NBPF20: variants seen among roughly 807,000 people sequenced by gnomAD.
NBPF20 encodes NBPF member 20, also known as NBPF family member NBPF20.
In NBPF20, 90 loss-of-function variants were observed where a neutral mutation model predicts 68.1. That is an observed-to-expected ratio of 1.32 (90% confidence interval 1.11 to 1.58). The LOEUF (loss-of-function observed/expected upper bound fraction) is 1.58, where lower values mean the gene tolerates loss of function less well. NBPF20 is among the 40% of genes most tolerant of loss of function. NBPF20 has a pLI of 0.00. For synonymous variants in NBPF20, 290 were observed against 228.1 expected, an observed-to-expected ratio of 1.27 and a Z score of -2.45; for missense variants, 816 against 601.2, an observed-to-expected ratio of 1.36 and a Z score of -3.74.
chr1:145,335,239 T>TA lies in NBPF20; in HGVS notation c.10052+2dup, dbSNP rs2101472542. On this transcript the variant is annotated splice_region_variant and intron_variant, in intron 83 of 137. Coordinates refer to ENST00000369373, the Ensembl canonical transcript of NBPF20. The stretch of plus-strand genomic sequence containing the variant: ...TTAAGCATCCATAATTGCTCAAAGT[T>TA]ACCTGGGGCATGATGGGTCTTGGTC... The TA allele has an allele frequency of 4.2e-6, 1 of 238,890 alleles. No individual in the cohort carries two copies. The highest frequency in any genetic ancestry group is 7.6e-6 in the Non-Finnish European group (1 of 131,792). 14.8% of individuals were successfully genotyped at this position (238,890 alleles called of 1,614,324 possible).
intron 137 of NBPF20, 52 bp from the exon 143 acceptor site, chr1:145,291,821 A>G (rs1422082188): frequency 9.3e-6 from 15 of 1,611,834 alleles, no homozygotes; most frequent in Non-Finnish European, 1.2e-5. Flanking sequence ...CAGAAACCAC[A>G]GAGCCCCACT....
chr1:145,393,974 G>A lies in NBPF20; in HGVS notation c.992-39C>T, dbSNP rs782712253. On this transcript the variant is annotated intron_variant, in intron 8 of 137. Coordinates refer to ENST00000369373, the Ensembl canonical transcript of NBPF20. ...CAGATGGGCCCTCTTACATTAAGCA[G>A]TTCTTCCTTGCACACAGAAACATTC... 4.3e-3 allele frequency: 4,497 copies of A among 1,052,088 alleles called. 132 individuals carry two copies. In the African/African-American group the frequency reaches 0.06, roughly 14 times the overall value. The allele number at this position is 1,052,088 out of a possible 1,614,324, so 65.2% of individuals were successfully genotyped here.
intron 83 of NBPF20, among the ~76,000 whole-genome samples, chr1:145,334,877 G>A (rs1386212640): frequency 6.5e-5 from 9 of 138,056 alleles, no homozygotes; most frequent in Non-Finnish European, 1.2e-4. Flanking sequence ...TAAGCTCAGC[G>A]AGTTGGCCGG....
chr1:145,398,539 G>T (rs1662367555), intron 7 of NBPF20, among the ~76,000 whole-genome samples: 1 of 152,132 alleles, frequency 6.6e-6, no homozygotes. Context: ...TGAGAACAAA[G>T]ACACAACATA....
At position 145,292,299 on chromosome 1, in the gene NBPF20, A is replaced by G. The variant is rs1661171407; in HGVS notation, c.16697+82T>C. On this transcript the variant is annotated intron_variant, in intron 137 of 137. Transcript: ENST00000369373. ...ATTCAGCCTTCGTTGAAAACATGAC[A>G]TCAAACACACTCTGGTTTCCCTGAA... is the stretch of plus-strand genomic sequence containing the variant. 6.5e-6 allele frequency: 4 copies of G among 616,154 alleles called. No individual in the cohort carries two copies. The East Asian group carries it at 1.1e-4, about 16-fold the overall frequency. 38.2% of individuals were successfully genotyped at this position (616,154 alleles called of 1,614,324 possible).
intron 6 of NBPF20, among the ~76,000 whole-genome samples, chr1:145,400,076 C>G (rs1297588098): frequency 2.6e-5 from 4 of 152,156 alleles, no homozygotes; most frequent in African/African-American, 9.7e-5. Flanking sequence ...TGTTCAGGGA[C>G]AGAGGACTTA....
At chr1:145,290,027 G>C (rs1207001405) in exon 138 of NBPF20, 4 of 148,530 alleles carry the variant, frequency 2.7e-5, no homozygotes, top group Non-Finnish European at 5.9e-5. Flanking sequence ...GGTTTTAATT[G>C]TATAGATTAA....
At chr1:145,402,432 G>C in intron 3 of NBPF20, 51 bp from the exon 9 acceptor site, 1 of 1,590,290 alleles carries the variant, frequency 6.3e-7, no homozygotes, top group South Asian at 1.1e-5. Context: ...TCAGTGATCC[G>C]CTCAAATATT....
Position 145,393,026 on chromosome 1 carries a change from A to C in NBPF20, c.1216+48T>G. On this transcript the variant is annotated intron_variant, in intron 10 of 137. Coordinates refer to ENST00000369373, the Ensembl canonical transcript of NBPF20. ...CACTTGCAGTAGGAATATGACCCTA[A>C]CCAGAAGACTCAGTGGATCCTTATC... 6.7e-6 allele frequency: 3 copies of C among 450,602 alleles called. 1 individual carries two copies. The highest frequency in any genetic ancestry group is 1.1e-5 in the Non-Finnish European group (3 of 272,988). 27.9% of individuals were successfully genotyped at this position (450,602 alleles called of 1,614,324 possible).
chr1:145,399,776 CAAAAAA>C (rs1176062364), intron 6 of NBPF20, among the ~76,000 whole-genome samples: 71 of 51,730 alleles, frequency 1.4e-3, no homozygotes, highest in African/African-American at 4.2e-3. Flanking sequence ...GACTCCATCA[CAAAAAA>C]AAAAAAAAAA....
chr1:145,404,389 G>C (rs1281462728), intron 2 of NBPF20, among the ~76,000 whole-genome samples: 1 of 152,010 alleles, frequency 6.6e-6, no homozygotes, highest in African/African-American at 2.4e-5. Context: ...CACCCGATTA[G>C]TGGTGATTAC....
the NBPF20 span, among the ~76,000 whole-genome samples, chr1:145,419,109 G>C: frequency 7.2e-6 from 1 of 138,472 alleles, no homozygotes; most frequent in African/African-American, 2.7e-5. Context: ...GGGAGGGAGG[G>C]AGGGAGGGAG....
chr1:145,292,541 C>G (rs587650138), intron 136 of NBPF20, 52 bp from the exon 142 acceptor site: 2 of 695,952 alleles, frequency 2.9e-6, no homozygotes, highest in African/African-American at 2.0e-5. Flanking sequence ...CCCCTACACA[C>G]ATAACAATCC....
intron 9 of NBPF20, chr1:145,393,624 G>C (rs1480013392): frequency 6.1e-6 from 5 of 819,654 alleles, no homozygotes; most frequent in African/African-American, 3.5e-5. Context: ...CATAAAATGT[G>C]CTCAAGTTTC....
At chr1:145,403,172 T>C (rs2101582326) in intron 3 of NBPF20, 44 bp downstream of exon 8, 1 of 1,610,986 alleles carries the variant, frequency 6.2e-7, no homozygotes, top group East Asian at 2.2e-5. Context: ...ATTTCAGAGA[T>C]TTACACACCT....
At chr1:145,404,590 A>G (rs1465800476) in intron 2 of NBPF20, among the ~76,000 whole-genome samples, 3 of 152,082 alleles carry the variant, frequency 2.0e-5, no homozygotes, top group Non-Finnish European at 4.4e-5. Flanking sequence ...TCACTTATAG[A>G]TAGCACAGGT....
chr1:145,405,618 C>A, upstream of NBPF20: 1 of 635,022 alleles, frequency 1.6e-6, no homozygotes, highest in Admixed American at 3.0e-5. Flanking sequence ...ATCTTAGGAG[C>A]CCTGCATTCC....
intron 83 of NBPF20, among the ~76,000 whole-genome samples, chr1:145,334,871 C>A (rs1384558384): frequency 1.4e-5 from 2 of 138,270 alleles, no homozygotes; most frequent in African/African-American, 2.5e-5. Context: ...AGAAAGTAAG[C>A]TCAGCGAGTT....
chr1:145,405,050 A>T, intron 2 of NBPF20, 48 bp downstream of exon 7: 1 of 1,612,288 alleles, frequency 6.2e-7, no homozygotes, highest in Non-Finnish European at 8.5e-7. Flanking sequence ...GTCTCAGAAG[A>T]CAGGACATCA....
Sources: allele counts gnomAD v4.1 joint callset (sites outside exome capture counted in the v4.1 genomes callset), GRCh38; gene constraint gnomAD v4.1.1; transcripts MANE v1.5; gene names NCBI Gene and HGNC (gene_info 2026-07-23, HGNC 2026-07-21).